Variants in C2CD3 observed in about 807,000 individuals in gnomAD.
The protein encoded by C2CD3 is C2 domain-containing protein 3.
Under a neutral mutation model 234.0 loss-of-function variants are expected in C2CD3, and 148 were observed. The ratio of observed to expected loss-of-function variants is 0.63; its 90% CI spans 0.55 to 0.72. The LOEUF (loss-of-function observed/expected upper bound fraction) is 0.72. Ranked by LOEUF, C2CD3 falls within the 30% of genes least tolerant of loss-of-function variation. The probability of loss-of-function intolerance (pLI) is 0.00; values close to 1 mark genes in which losing one functional copy is unlikely to be tolerated. For missense variants in C2CD3, 2,577 were observed against 2,811.5 expected, an observed-to-expected ratio of 0.92 and a Z score of 1.89; for synonymous variants, 1,000 against 1,035.4, an observed-to-expected ratio of 0.97 and a Z score of 0.66.
rs79502633 is a variant in C2CD3, at chr11:74,111,024, T to G, written c.1844-1872A>C. Among the ~76,000 whole-genome samples the G allele has an allele frequency of 7.9e-3, 1,197 of 152,098 alleles. 10 individuals carry two copies. Among genetic ancestry groups the G allele is most frequent in the African/African-American group, 0.027 (1,103 of 41,372 alleles). ...GAAAAATGTAGAGAAGATCAATCAC[T>G]GTGGCCAACAACAACAATAATGTTT... is the stretch of plus-strand genomic sequence containing the variant. On this transcript the variant is annotated intron_variant, in intron 11 of 32. Transcript: ENST00000334126.
In C2CD3 at chr11:74,095,391, A is replaced by G. The variant is rs781721851; in HGVS notation, c.2997T>C (p.Asn999=). The change falls in exon 17 of 33, where the codon AAT becomes AAC. Residue 999 remains asparagine, a synonymous_variant. Transcript: ENST00000334126. The stretch of plus-strand genomic sequence containing the variant: ...TCTCAAAGCAGTGCTCCATCAGTCC[A>G]TTTCCTCGGTCCTCTGCCTATTAAA... The part of the protein sequence containing the change: ...ASVAMAEDRG[N]GLMEHCFEIH... 3.1e-6 allele frequency: 5 copies of G among 1,612,576 alleles called. No individual in the cohort carries two copies. Among genetic ancestry groups the G allele is most frequent in the Non-Finnish European group, 4.2e-6 (5 of 1,179,214 alleles).
intron 7 of C2CD3, among the ~76,000 whole-genome samples, chr11:74,127,794 T>A (rs1244580300): frequency 6.6e-6 from 1 of 152,112 alleles, no homozygotes; most frequent in Non-Finnish European, 1.5e-5. Flanking sequence ...CTTTAGTGGG[T>A]GTGAAGTAGT....
At chr11:74,021,813 A>G (rs1444936621) in intron 32 of C2CD3, among the ~76,000 whole-genome samples, 2 of 152,324 alleles carry the variant, frequency 1.3e-5, no homozygotes, top group East Asian at 1.9e-4. Context: ...AAGTGCAAGT[A>G]TAAGTGAGAC....
chr11:74,133,661 G>C (rs1957754383), intron 5 of C2CD3, 104 bp from the exon 6 acceptor site: 3 of 1,202,952 alleles, frequency 2.5e-6, no homozygotes, highest in South Asian at 1.4e-5. Context: ...AGTGTGTACT[G>C]TAATAGTTTG....
Position 74,049,523 on chromosome 11 carries a change from G to A in C2CD3, c.5175C>T (p.Gly1725=), listed in dbSNP as rs748577732. 6.2e-7 allele frequency: 1 copy of A among 1,612,288 alleles called. No individual in the cohort carries two copies. The highest frequency in any genetic ancestry group is 8.5e-7 in the Non-Finnish European group (1 of 1,179,926). ...GTGGGGAGAGGTCCACCGAGGCAAA[G>A]CCAATCACCCTCTCCTCATCTGTAG... is the stretch of plus-strand genomic sequence containing the variant. ...WHKGDEERVI[G]FASVDLSPLL... The change falls in exon 27 of 33, where the codon GGC becomes GGT. Residue 1725 remains glycine, a synonymous_variant. Transcript: ENST00000334126.
intron 7 of C2CD3, chr11:74,128,867 G>A (rs1423578142): frequency 1.1e-5 from 3 of 272,250 alleles, no homozygotes; most frequent in African/African-American, 2.3e-5. Flanking sequence ...TGGGGATAAG[G>A]TCATAGATCA....
intron 31 of C2CD3, among the ~76,000 whole-genome samples, chr11:74,029,587 C>A (rs1051224429): frequency 6.6e-6 from 1 of 152,230 alleles, no homozygotes; most frequent in African/African-American, 2.4e-5. Context: ...TTTGCTGTTG[C>A]TGAAACTGCT....
intron 3 of C2CD3, among the ~76,000 whole-genome samples, chr11:74,149,197 TC>T (rs1451055304): frequency 1.3e-5 from 2 of 152,136 alleles, no homozygotes; most frequent in African/African-American, 4.8e-5. Context: ...TCCTCCATCC[TC>T]CCAATGTGCC....
intron 2 of C2CD3, among the ~76,000 whole-genome samples, chr11:74,165,323 G>GCC (rs1368336426): frequency 1.3e-5 from 2 of 151,960 alleles, no homozygotes; most frequent in Non-Finnish European, 2.9e-5. Context: ...TCACTCATTT[G>GCC]TAAATCTCTT....
At position 74,074,295 on chromosome 11, in the gene C2CD3, C is replaced by G. The variant is rs777609744; in HGVS notation, c.4909G>C (p.Val1637Leu). The change falls in exon 24 of 33, where the codon GTC becomes CTC. Residue 1637 changes from valine (V) to leucine (L), a missense_variant. By Grantham distance (32) the Val-to-Leu change is conservative. Coordinates refer to ENST00000334126, the MANE Select transcript of C2CD3 (RefSeq NM_001286577.2). ...GPADLDGTFA[V>L]SILVERAMHL... The stretch of plus-strand genomic sequence containing the variant: ...ATTGCTCTTTCTACTAGGATGCTGA[C>G]TGCAAACGTTCCATCCAAATCAGCA... 1 of 1,614,084 alleles carries G rather than the reference C, an allele frequency of 6.2e-7. No homozygotes were observed.
chr11:74,160,449 C>T (rs186952629), intron 3 of C2CD3, among the ~76,000 whole-genome samples: 1 of 151,926 alleles, frequency 6.6e-6, no homozygotes, highest in Non-Finnish European at 1.5e-5. Flanking sequence ...CATGGATGAA[C>T]CTGGAGGACA....
chr11:74,126,718 TG>T (rs1957425267), intron 7 of C2CD3, among the ~76,000 whole-genome samples: 1 of 152,140 alleles, frequency 6.6e-6, no homozygotes, highest in South Asian at 2.1e-4. Flanking sequence ...CACTCCAGCC[TG>T]GGTGACAAAG....
intron 32 of C2CD3, among the ~76,000 whole-genome samples, chr11:74,014,748 A>C (rs910625145): frequency 1.3e-5 from 2 of 152,204 alleles, no homozygotes; most frequent in Non-Finnish European, 2.9e-5. Context: ...AGATAAGGGG[A>C]GTGGAGTCAG....
chr11:74,087,495 C>T (rs1312216444), intron 20 of C2CD3, among the ~76,000 whole-genome samples: 3 of 151,126 alleles, frequency 2.0e-5, no homozygotes, highest in East Asian at 1.9e-4. Flanking sequence ...ACCCAGGAGG[C>T]GGAGGTTGCA....
At chr11:74,063,774 G>C (rs1421707018) in intron 24 of C2CD3, among the ~76,000 whole-genome samples, 1 of 152,154 alleles carries the variant, frequency 6.6e-6, no homozygotes, top group Non-Finnish European at 1.5e-5. Context: ...GTTCAGGCCA[G>C]GGCAATCAGG....
At chr11:74,114,340 T>A in intron 10 of C2CD3, 44 bp downstream of exon 10, 1 of 1,377,350 alleles carries the variant, frequency 7.3e-7, no homozygotes, top group Non-Finnish European at 1.0e-6. Context: ...TCAGACACAC[T>A]TTCCAAAAAT....
chr11:74,105,103 T>A (rs983334939), intron 13 of C2CD3, among the ~76,000 whole-genome samples: 4 of 152,150 alleles, frequency 2.6e-5, no homozygotes, highest in South Asian at 4.1e-4. Context: ...CACAGAGGCA[T>A]GAACCAGCAT....
chr11:74,084,210 G>T (rs192083018), intron 22 of C2CD3, among the ~76,000 whole-genome samples: 55 of 152,068 alleles, frequency 3.6e-4, no homozygotes, highest in African/African-American at 1.3e-3. Flanking sequence ...ACTAGACACC[G>T]CATGTTCTTA....
At chr11:74,146,853 G>A (rs1264506378) in intron 3 of C2CD3, among the ~76,000 whole-genome samples, 1 of 151,910 alleles carries the variant, frequency 6.6e-6, no homozygotes, top group Non-Finnish European at 1.5e-5. Flanking sequence ...AGGAGCTCGA[G>A]ACCAGCCTGG....
Sources: gnomAD v4.1 joint callset for allele counts (sites outside exome capture counted in the v4.1 genomes callset) on GRCh38, gnomAD v4.1.1 for gene constraint, MANE v1.5 for transcripts, NCBI Gene and HGNC (gene_info 2026-07-23, HGNC 2026-07-21) for gene names.